The following INF2 variants were observed in gnomAD, a reference collection of about 807,000 sequenced individuals.
INF2 encodes the protein inverted formin 2.
Under a neutral mutation model 123.5 loss-of-function variants are expected in INF2, and 43 were observed. The observed-to-expected ratio is 0.35, with a 90% CI of 0.27 to 0.45. INF2 has a LOEUF of 0.45. Among genes scored for constraint, INF2 ranks in the 20% least tolerant of loss-of-function variants. INF2 has a pLI of 1.00. For missense variants in INF2, 1,453 were observed against 1,682.7 expected, an observed-to-expected ratio of 0.86 and a Z score of 2.39; for synonymous variants, 851 against 745.0, an observed-to-expected ratio of 1.14 and a Z score of -2.32.
chr14:104,710,327 C>T (rs939986154), intron 13 of INF2, 139 bp downstream of exon 13: 8 of 642,976 alleles, frequency 1.2e-5, no homozygotes, highest in Non-Finnish European at 2.2e-5. Context: ...TTCACCACCA[C>T]TCCGGAAACC....
rs1049276034 is a variant in INF2 at position 104,703,542 on chromosome 14, C to T, written c.667+88C>T. 39 of 1,554,592 alleles carry T rather than the reference C, an allele frequency of 2.5e-5. No individual in the cohort carries two copies. The African/African-American group carries it at 3.2e-4, about 13-fold the overall frequency. On this transcript the variant is annotated intron_variant, in intron 4 of 22. Transcript: ENST00000392634. Reference sequence around the variant, plus strand: ...CTGCATCCACCTGGGGAGGTGGGAGCGCCACAAAAGCTGCCCCCGACCCAG... The same window carrying T: ...CTGCATCCACCTGGGGAGGTGGGAGTGCCACAAAAGCTGCCCCCGACCCAG...
intron 2 of INF2, among the ~76,000 whole-genome samples, chr14:104,702,896 G>A (rs1022240095): frequency 6.6e-6 from 1 of 152,232 alleles, no homozygotes; most frequent in African/African-American, 2.4e-5. Context: ...TCCCTGCAGG[G>A]TCTGGCCCTG....
chr14:104,714,645 C>T lies in INF2; in HGVS notation c.3483C>T (p.Ala1161=), dbSNP rs1890207840. The change falls in exon 21 of 23, where the codon GCC becomes GCT. Residue 1161 remains alanine (A), a synonymous_variant. Coordinates refer to ENST00000392634, the MANE Select transcript of INF2 (RefSeq NM_022489.4). The part of the protein sequence containing the change: ...GLEDAVHSRG[A]RPPAAGPGGD... ...AGGACGCTGTCCACAGCCGTGGTGC[C>T]AGACCCCCTGCAGCAGGCCCAGGTG... The T allele has an allele frequency of 6.2e-7, 1 of 1,612,412 alleles. No individual in the cohort carries two copies. Among genetic ancestry groups the T allele is most frequent in the South Asian group, 1.1e-5 (1 of 91,084 alleles).
Position 104,714,396 on chromosome 14 carries a change from G to A in INF2, c.3234G>A (p.Trp1078Ter). Residue 1078 changes from tryptophan to a stop codon, truncating the protein, a stop_gained, in exon 21 of 23, where the codon TGG becomes TGA. Transcript: ENST00000392634. LOFTEE classifies it high-confidence loss of function. ...GGCCCCTGGAGAGGCGTTCTTCCTGGTATGTGGATGCCAGCGATGTCCTAA... is the reference window on the plus strand; with the variant it reads ...GGCCCCTGGAGAGGCGTTCTTCCTGATATGTGGATGCCAGCGATGTCCTAA... ...GPRPLERRSS[W>*]YVDASDVLTT... 1 of 1,603,754 alleles carries A rather than the reference G, an allele frequency of 6.2e-7. No individual in the cohort carries two copies. Among genetic ancestry groups the A allele is most frequent in the Non-Finnish European group, 8.5e-7 (1 of 1,175,580 alleles).
Position 104,711,020 on chromosome 14 carries a change from C to A in INF2, c.2310+13C>A, listed in dbSNP as rs764646931. The stretch of plus-strand genomic sequence containing the variant: ...CTTCCTCAACTACGTAAGTCAGGGG[C>A]AGCTCCCCATCCCACCTGGTGCCAG... On this transcript the variant is annotated intron_variant, in intron 14 of 22. Coordinates refer to ENST00000392634, the MANE Select transcript of INF2 (RefSeq NM_022489.4). The A allele has an allele frequency of 6.2e-7, 1 of 1,611,592 alleles. No individual in the cohort carries two copies.
upstream of INF2, chr14:104,689,242 A>G (rs1010950168): frequency 3.0e-6 from 3 of 985,106 alleles, no homozygotes; most frequent in African/African-American, 5.2e-5. Flanking sequence ...CGGGGCAGAG[A>G]GAGGTGAGCG....
chr14:104,703,025 GC>G, intron 2 of INF2, 79 bp from the exon 3 acceptor site: 1 of 1,200,692 alleles, frequency 8.3e-7, no homozygotes. Flanking sequence ...CAGGCCCAGA[GC>G]CCCAGCCCTG....
intron 18 of INF2, 78 bp downstream of exon 18, chr14:104,713,070 G>A: frequency 1.2e-6 from 2 of 1,608,082 alleles, no homozygotes; most frequent in Non-Finnish European, 1.7e-6. Context: ...CGGCAGGATG[G>A]GCAGAGGCAC....
Position 104,714,563 on chromosome 14 carries a change from C to A in INF2, c.3401C>A (p.Pro1134His). ...AGSSRQDAKD[P>H]TSLLGVLQAE... ...AGTTCAAGGCAAGATGCCAAGGATC[C>A]CACGTCCTTGCTGGGCGTCCTCCAG... Residue 1134 changes from proline (P) to histidine (H), a missense_variant, in exon 21 of 23, where the codon CCC becomes CAC. This residue lies in a region of INF2 where 344 missense variants were observed against 333.1 expected (regional missense o/e 1.03). Transcript: ENST00000392634. The A allele has an allele frequency of 6.2e-7, 1 of 1,612,716 alleles. No individual in the cohort carries two copies. The highest frequency in any genetic ancestry group is 1.3e-5 in the African/African-American group (1 of 75,070).
At chr14:104,714,097 G>A (rs1890178728) in intron 20 of INF2, 106 bp from the exon 21 acceptor site, 3 of 991,312 alleles carry the variant, frequency 3.0e-6, no homozygotes, top group Non-Finnish European at 2.9e-6. Context: ...TTTCTGGGGA[G>A]GAGGTTTTGC....
At position 104,714,653 on chromosome 14, in the gene INF2, C is replaced by T. The variant is rs748024708; in HGVS notation, c.3491C>T (p.Pro1164Leu). 6.2e-7 allele frequency: 1 copy of T among 1,612,440 alleles called. No individual in the cohort carries two copies. Among genetic ancestry groups the T allele is most frequent in the Non-Finnish European group, 8.5e-7 (1 of 1,179,692 alleles). ...GTCCACAGCCGTGGTGCCAGACCCC[C>T]TGCAGCAGGCCCAGGTGGGGATGAG... is the stretch of plus-strand genomic sequence containing the variant. The part of the protein sequence containing the change: ...DAVHSRGARP[P>L]AAGPGGDEDE... Residue 1164 changes from proline to leucine, a missense_variant, in exon 21 of 23, where the codon CCT becomes CTT. This residue lies in a region of INF2 where 344 missense variants were observed against 333.1 expected (regional missense o/e 1.03). Transcript: ENST00000392634.
chr14:104,689,521 A>G, upstream of INF2: 2 of 45,746 alleles, frequency 4.4e-5, no homozygotes, highest in Non-Finnish European at 5.3e-5. Context: ...CTCCCCCCCC[A>G]GGCCCCGCCC....
In INF2 at chr14:104,709,399, C is replaced by G; in HGVS notation, c.2052+16C>G. On this transcript the variant is annotated intron_variant, in intron 11 of 22. Coordinates refer to ENST00000392634, the MANE Select transcript of INF2 (RefSeq NM_022489.4). ...GAAGCACGAGGTAAGAGGACCACCC[C>G]CACACCCCACCCCCAGTTAGTGCCA... is the stretch of plus-strand genomic sequence containing the variant. The G allele has an allele frequency of 6.3e-7, 1 of 1,582,568 alleles. No homozygotes were observed. Among genetic ancestry groups the G allele is most frequent in the Non-Finnish European group, 8.7e-7 (1 of 1,152,452 alleles).
intron 5 of INF2, 59 bp downstream of exon 5, chr14:104,704,008 A>T: frequency 6.2e-7 from 1 of 1,602,872 alleles, no homozygotes; most frequent in Non-Finnish European, 8.5e-7. Flanking sequence ...GGCCAGGCCC[A>T]CCTGCCCTTT....
chr14:104,713,394 A>G, intron 19 of INF2, 51 bp from the exon 20 acceptor site: 1 of 1,585,844 alleles, frequency 6.3e-7, no homozygotes. Context: ...CCAGCCCTCT[A>G]GGTGGGCTCC....
At chr14:104,717,087 A>ATTACAACCATTTGCCAAC in intron 22 of INF2, among the ~76,000 whole-genome samples, 1 of 152,262 alleles carries the variant, frequency 6.6e-6, no homozygotes, top group African/African-American at 2.4e-5. Flanking sequence ...CATTTGCCAA[A>ATTACAACCATTTGCCAAC]AATACCAAAA....
At chr14:104,714,139 G>C in intron 20 of INF2, 64 bp from the exon 21 acceptor site, 1 of 1,363,262 alleles carries the variant, frequency 7.3e-7, no homozygotes, top group Non-Finnish European at 9.7e-7. Context: ...GAATGGAGGA[G>C]GCTGCACCTG....
intron 15 of INF2, among the ~76,000 whole-genome samples, 157 bp downstream of exon 15, chr14:104,711,343 C>T (rs1890037812): frequency 1.3e-5 from 2 of 152,090 alleles, no homozygotes; most frequent in African/African-American, 2.4e-5. Context: ...GTCAGAGCCA[C>T]GCCCCCACCC....
chr14:104,711,755 C>A, intron 16 of INF2, 56 bp downstream of exon 16: 5 of 1,541,720 alleles, frequency 3.2e-6, no homozygotes, highest in Middle Eastern at 1.9e-4. Context: ...TGACTTCTGT[C>A]CCCAGGCAGT....
Sources: allele counts gnomAD v4.1 joint callset (sites outside exome capture counted in the v4.1 genomes callset), GRCh38; gene constraint gnomAD v4.1.1; regional missense constraint gnomAD v4.1.1; transcripts MANE v1.5; gene names NCBI Gene and HGNC (gene_info 2026-07-23, HGNC 2026-07-21).